The following ACYP1 variants were observed in gnomAD, a reference collection of about 807,000 sequenced individuals.
ACYP1 encodes acylphosphatase-1.
In ACYP1, 8 loss-of-function variants were observed where a neutral mutation model predicts 10.4. The ratio of observed to expected loss-of-function variants is 0.77; its 90% CI spans 0.45 to 1.38. ACYP1 has a LOEUF of 1.38. ACYP1 is among the 40% of genes most tolerant of loss of function. The pLI is 0.00. For missense variants in ACYP1, 93 were observed against 117.3 expected, an observed-to-expected ratio of 0.79 and a Z score of 0.96; for synonymous variants, 38 against 40.8, an observed-to-expected ratio of 0.93 and a Z score of 0.26.
At chr14:75,066,854 A>C (rs115326270), upstream of ACYP1, among the ~76,000 whole-genome samples, 1,529 of 152,276 alleles carry the variant, frequency 0.01, 19 homozygotes, top group African/African-American at 0.032. Flanking sequence ...TGTCTCAAAG[A>C]AAAAAAGGAA....
chr14:75,068,596 A>G (rs1218141556), upstream of ACYP1, among the ~76,000 whole-genome samples: 1 of 151,982 alleles, frequency 6.6e-6, no homozygotes, highest in African/African-American at 2.4e-5. Context: ...AAGCCGGTAA[A>G]TTCTGCTGAG....
Position 75,053,445 on chromosome 14 carries a change from T to C in ACYP1, c.299A>G (p.Ter100=). The C allele has an allele frequency of 4.3e-6, 7 of 1,613,986 alleles. No homozygotes were observed. Among genetic ancestry groups the C allele is most frequent in the Non-Finnish European group, 5.9e-6 (7 of 1,179,828 alleles). Residue 100 remains the stop codon, a stop_retained_variant, in exon 3 of 3, where the codon TAA becomes TGA. Transcript: ENST00000238618. ...CTTAGAAAACTTAAATTCAGGCCATTATTTTACAATTTGGAAGTCTGAGTA... is the reference window on the plus strand; with the variant it reads ...CTTAGAAAACTTAAATTCAGGCCATCATTTTACAATTTGGAAGTCTGAGTA... ...LDYSDFQIVK[*]
chr14:75,062,101 CAAAAAA>C (rs35401825), intron 2 of ACYP1, among the ~76,000 whole-genome samples: 1 of 59,742 alleles, frequency 1.7e-5, no homozygotes, highest in African/African-American at 8.6e-5. Flanking sequence ...AACTCTGTCT[CAAAAAA>C]AAAAAAAAAA....
At chr14:75,059,551 C>T (rs933646711) in intron 2 of ACYP1, among the ~76,000 whole-genome samples, 6 of 152,156 alleles carry the variant, frequency 3.9e-5, no homozygotes, top group African/African-American at 7.2e-5. Context: ...GTATATCATA[C>T]ATCTGATAAG....
At chr14:75,061,579 A>G (rs1195041112) in intron 2 of ACYP1, 2 of 570,112 alleles carry the variant, frequency 3.5e-6, no homozygotes, top group Non-Finnish European at 5.7e-6. Flanking sequence ...AGGGGCAGGT[A>G]GAGAAAGATG....
intron 2 of ACYP1, among the ~76,000 whole-genome samples, chr14:75,057,986 A>AAAAAAAAAAT (rs1391197471): frequency 6.8e-6 from 1 of 148,106 alleles, no homozygotes; most frequent in Non-Finnish European, 1.5e-5. Flanking sequence ...AAAAAAAAAA[A>AAAAAAAAAAT]AAGAACTACC....
chr14:75,054,947 G>C (rs1892837781), intron 2 of ACYP1, among the ~76,000 whole-genome samples: 1 of 151,406 alleles, frequency 6.6e-6, no homozygotes, highest in South Asian at 2.1e-4. Flanking sequence ...AATTAACCCA[G>C]GGGAGCTGAC....
chr14:75,063,966 C>T lies in ACYP1; in HGVS notation c.-21G>A. On this transcript the variant is annotated 5_prime_UTR_variant, in exon 1 of 3. Coordinates refer to ENST00000238618, the MANE Select transcript of ACYP1 (RefSeq NM_001107.5). ...CCTGGCGGCTCACCCTCCTTGTCTTCCCCACCGGCTGCCAGGATCACTCCG... is the reference window on the plus strand; with the variant it reads ...CCTGGCGGCTCACCCTCCTTGTCTTTCCCACCGGCTGCCAGGATCACTCCG... 1.0e-6 allele frequency: 1 copy of T among 997,906 alleles called. No homozygotes were observed. The highest frequency in any genetic ancestry group is 1.2e-6 in the Non-Finnish European group (1 of 836,756). The allele number at this position is 997,906 out of a possible 1,614,324, so 61.8% of individuals were successfully genotyped here.
chr14:75,053,395 A>T lies in ACYP1; in HGVS notation c.*49T>A, dbSNP rs1358295624. The stretch of plus-strand genomic sequence containing the variant: ...CACAATAGTTCTATCTCTATTAATA[A>T]TAAAAACCAAACCACTGAGTTTATC... On this transcript the variant is annotated 3_prime_UTR_variant, in exon 3 of 3. Transcript: ENST00000238618. 6.5e-7 allele frequency: 1 copy of T among 1,533,590 alleles called. No individual in the cohort carries two copies. The allele number at this position is 1,533,590 out of a possible 1,614,324, so 95.0% of individuals were successfully genotyped here.
chr14:75,068,316 C>A (rs4903278), upstream of ACYP1, among the ~76,000 whole-genome samples: 73,250 of 151,840 alleles, frequency 0.48, 18,447 homozygotes, highest in East Asian at 0.85. Flanking sequence ...AAACAAACAA[C>A]TTTAAAAAAC....
At chr14:75,066,383 TG>T (rs11336181), upstream of ACYP1, among the ~76,000 whole-genome samples, 143,731 of 151,218 alleles carry the variant, frequency 0.95, 68,548 homozygotes, top group Non-Finnish European at 0.99. Flanking sequence ...TTAATAAAGC[TG>T]GGGGGGGGTG....
At chr14:75,066,193 G>A (rs546559255), upstream of ACYP1, among the ~76,000 whole-genome samples, 48 of 152,316 alleles carry the variant, frequency 3.2e-4, 1 homozygote, top group South Asian at 9.1e-3. Context: ...GAGATGCCAT[G>A]CTAAATTATG....
chr14:75,068,113 A>C (rs1045540415), upstream of ACYP1, among the ~76,000 whole-genome samples: 2 of 151,908 alleles, frequency 1.3e-5, no homozygotes, highest in African/African-American at 4.8e-5. Flanking sequence ...AACATGGTGA[A>C]ACTCTGTCTC....
rs1594795461 is a variant in ACYP1 at position 75,061,615 on chromosome 14, T to A, written c.84+1855A>T. 11 of 1,174,554 alleles carry A rather than the reference T, an allele frequency of 9.4e-6. No individual in the cohort carries two copies. The East Asian group carries it at 2.8e-4, about 30-fold the overall frequency. The allele number at this position is 1,174,554 out of a possible 1,614,324, so 72.8% of individuals were successfully genotyped here. On this transcript the variant is annotated intron_variant, in intron 2 of 2. Coordinates refer to ENST00000238618, the MANE Select transcript of ACYP1 (RefSeq NM_001107.5). ...GGCTATGCATACCACTATCTGACCCTTTTCCCTCAACAACTTTGACTAATC... is the reference window on the plus strand; with the variant it reads ...GGCTATGCATACCACTATCTGACCCATTTCCCTCAACAACTTTGACTAATC...
At chr14:75,061,076 T>A (rs924647228) in intron 2 of ACYP1, among the ~76,000 whole-genome samples, 38 of 150,364 alleles carry the variant, frequency 2.5e-4, no homozygotes, top group Admixed American at 2.0e-3. Context: ...AGACTCTGTC[T>A]CAACAACAAC....
chr14:75,066,143 G>A (rs537933763), upstream of ACYP1, among the ~76,000 whole-genome samples: 1 of 152,252 alleles, frequency 6.6e-6, no homozygotes, highest in East Asian at 1.9e-4. Flanking sequence ...TTAAGGGGAG[G>A]CAAAACTGAA....
In ACYP1 at chr14:75,053,414, G is replaced by A; in HGVS notation, c.*30C>T. On this transcript the variant is annotated 3_prime_UTR_variant, in exon 3 of 3. Coordinates refer to ENST00000238618, the MANE Select transcript of ACYP1 (RefSeq NM_001107.5). ...TTAATAATAAAAACCAAACCACTGA[G>A]TTTATCTTAGAAAACTTAAATTCAG... 6.3e-7 allele frequency: 1 copy of A among 1,589,638 alleles called. No individual in the cohort carries two copies. Among genetic ancestry groups the A allele is most frequent in the Non-Finnish European group, 8.6e-7 (1 of 1,158,278 alleles).
intron 2 of ACYP1, among the ~76,000 whole-genome samples, chr14:75,055,073 T>C (rs1194090866): frequency 6.9e-6 from 1 of 145,644 alleles, no homozygotes; most frequent in Admixed American, 7.3e-5. Flanking sequence ...GTGATTTATC[T>C]GAACTCTTTT....
At chr14:75,065,813 G>C (rs2139663378), upstream of ACYP1, among the ~76,000 whole-genome samples, 1 of 152,222 alleles carries the variant, frequency 6.6e-6, no homozygotes, top group Admixed American at 6.5e-5. Context: ...AGAGTTCTTG[G>C]AGGAAACAGC....
Sources: allele counts gnomAD v4.1 joint callset (sites outside exome capture counted in the v4.1 genomes callset), GRCh38; gene constraint gnomAD v4.1.1; transcripts MANE v1.5; gene names NCBI Gene and HGNC (gene_info 2026-07-23, HGNC 2026-07-21).